NAALADL2: variants seen among roughly 807,000 people sequenced by gnomAD.
The protein encoded by NAALADL2 is N-acetylated alpha-linked acidic dipeptidase like 2, also known as inactive N-acetylated-alpha-linked acidic dipeptidase-like protein 2.
A neutral mutation model predicts 87.2 loss-of-function variants in NAALADL2; 76 were observed. The ratio of observed to expected loss-of-function variants is 0.87; its 90% confidence interval spans 0.72 to 1.05. NAALADL2 has a LOEUF of 1.05. Ranked by LOEUF, NAALADL2 falls within the 50% of genes least tolerant of loss-of-function variation. The pLI is 0.00. For synonymous variants in NAALADL2, 354 were observed against 331.0 expected (o/e 1.07, Z -0.75); for missense variants, 1,089 against 945.8 (o/e 1.15, Z -1.99).
intron 11 of NAALADL2, among the ~76,000 whole-genome samples, chr3:175,700,972 A>G (rs953133198): frequency 4.6e-5 from 7 of 152,076 alleles, no homozygotes; most frequent in African/African-American, 1.7e-4. Flanking sequence ...ATGAAATGGT[A>G]CTATGGAGAT....
At chr3:174,483,775 C>CA (rs1717701179) in intron 1 of NAALADL2, among the ~76,000 whole-genome samples, 1 of 151,516 alleles carries the variant, frequency 6.6e-6, no homozygotes, top group Non-Finnish European at 1.5e-5. Flanking sequence ...AGGCTCTGAG[C>CA]AAAAAATACA....
chr3:174,579,804 T>C (rs1477577176), intron 2 of NAALADL2, among the ~76,000 whole-genome samples: 1 of 152,076 alleles, frequency 6.6e-6, no homozygotes, highest in Non-Finnish European at 1.5e-5. Context: ...TGACTGGGGA[T>C]ACATGTATGA....
intron 3 of NAALADL2, among the ~76,000 whole-genome samples, chr3:174,837,459 T>C (rs1723473120): frequency 1.3e-5 from 2 of 152,140 alleles, no homozygotes; most frequent in South Asian, 4.1e-4. Flanking sequence ...TCAGGTGCCC[T>C]GAATAGACCA....
intron 5 of NAALADL2, 49 bp downstream of exon 5, chr3:175,324,374 G>T: frequency 1.4e-6 from 2 of 1,442,958 alleles, no homozygotes; most frequent in Non-Finnish European, 1.9e-6. Context: ...GCATTACAAG[G>T]TTGCAATTTA....
intron 2 of NAALADL2, among the ~76,000 whole-genome samples, chr3:174,646,861 C>A (rs1338742834): frequency 6.6e-6 from 1 of 152,036 alleles, no homozygotes; most frequent in South Asian, 2.1e-4. Context: ...AATAACATTA[C>A]ATTTGATTAA....
At chr3:175,187,212 TTATAA>T (rs1446469268) in intron 2 of NAALADL2, among the ~76,000 whole-genome samples, 1 of 151,638 alleles carries the variant, frequency 6.6e-6, no homozygotes, top group Non-Finnish European at 1.5e-5. Context: ...CATAAACACT[TTATAA>T]ACATCTACCA....
At chr3:175,496,869 A>G (rs192308907) in intron 9 of NAALADL2, among the ~76,000 whole-genome samples, 2 of 152,036 alleles carry the variant, frequency 1.3e-5, no homozygotes, top group Non-Finnish European at 2.9e-5. Flanking sequence ...TGATAACACT[A>G]TTTATTGAAC....
At chr3:174,444,412 A>T (rs1287857514) in intron 1 of NAALADL2, among the ~76,000 whole-genome samples, 1 of 152,204 alleles carries the variant, frequency 6.6e-6, no homozygotes, top group Non-Finnish European at 1.5e-5. Context: ...GGAATATTTG[A>T]TGAAAGAATA....
intron 9 of NAALADL2, 71 bp downstream of exon 9, chr3:175,471,829 G>T: frequency 7.7e-7 from 1 of 1,300,498 alleles, no homozygotes; most frequent in Non-Finnish European, 1.1e-6. Flanking sequence ...GACATTTCTT[G>T]ATTTTTTCAT....
chr3:174,931,267 A>C (rs2108418511), intron 1 of NAALADL2, among the ~76,000 whole-genome samples: 1 of 152,274 alleles, frequency 6.6e-6, no homozygotes, highest in South Asian at 2.1e-4. Context: ...AGTACAATAA[A>C]GAATAGGGGT....
chr3:175,025,781 G>A (rs1454106461), intron 1 of NAALADL2, among the ~76,000 whole-genome samples: 1 of 151,982 alleles, frequency 6.6e-6, no homozygotes, highest in Non-Finnish European at 1.5e-5. Context: ...TTTCATCTCT[G>A]TTTAGCCATA....
At chr3:175,712,045 A>C (rs1014128481) in intron 11 of NAALADL2, among the ~76,000 whole-genome samples, 7 of 151,992 alleles carry the variant, frequency 4.6e-5, no homozygotes, top group African/African-American at 1.4e-4. Flanking sequence ...TCTATTTGTC[A>C]TAATGATAAG....
chr3:175,063,207 G>C (rs150128383), intron 1 of NAALADL2, among the ~76,000 whole-genome samples: 3 of 152,166 alleles, frequency 2.0e-5, no homozygotes, highest in Non-Finnish European at 4.4e-5. Context: ...CTGAATTATT[G>C]CAGTGTCACA....
chr3:175,645,274 G>A (rs567982548), intron 11 of NAALADL2, among the ~76,000 whole-genome samples: 1 of 152,062 alleles, frequency 6.6e-6, no homozygotes, highest in Non-Finnish European at 1.5e-5. Flanking sequence ...ACTACACAGA[G>A]CGAATCTTTA....
At chr3:175,109,600 G>A (rs1336798963) in intron 2 of NAALADL2, among the ~76,000 whole-genome samples, 1 of 151,920 alleles carries the variant, frequency 6.6e-6, no homozygotes, top group Admixed American at 6.6e-5. Context: ...GTTTACAAAG[G>A]TATCTAGGTG....
intron 9 of NAALADL2, among the ~76,000 whole-genome samples, chr3:175,540,008 G>A (rs1712024231): frequency 6.6e-6 from 1 of 152,132 alleles, no homozygotes; most frequent in Non-Finnish European, 1.5e-5. Flanking sequence ...ATTTAATTTA[G>A]CACAGTGACA....
At chr3:175,553,184 A>G (rs2149494431) in intron 9 of NAALADL2, among the ~76,000 whole-genome samples, 1 of 152,264 alleles carries the variant, frequency 6.6e-6, no homozygotes, top group South Asian at 2.1e-4. Flanking sequence ...AAGTCAATAT[A>G]TCAGTTATTT....
At chr3:174,581,780 T>TG (rs965252935) in intron 2 of NAALADL2, among the ~76,000 whole-genome samples, 15 of 152,306 alleles carry the variant, frequency 9.8e-5, no homozygotes, top group African/African-American at 3.4e-4. Context: ...CGAGGACTGA[T>TG]GCATGTCATC....
chr3:175,136,216 A>G (rs976952486), intron 2 of NAALADL2, among the ~76,000 whole-genome samples: 1 of 152,174 alleles, frequency 6.6e-6, no homozygotes, highest in African/African-American at 2.4e-5. Context: ...GAAGGCTGGG[A>G]AAACATGTAC....
Sources: allele counts gnomAD v4.1 joint callset (sites outside exome capture counted in the v4.1 genomes callset), GRCh38; gene constraint gnomAD v4.1.1; transcripts MANE v1.5; gene names NCBI Gene and HGNC (gene_info 2026-07-23, HGNC 2026-07-21).